The following CCDC148 variants were observed in gnomAD, a reference collection of about 807,000 sequenced individuals.
The protein encoded by CCDC148 is coiled-coil domain containing 148.
CCDC148 carries 89 observed loss-of-function variants against 85.7 expected under a neutral mutation model. The ratio of observed to expected loss-of-function variants is 1.04; its 90% CI spans 0.87 to 1.24. CCDC148 has a LOEUF of 1.24. Among genes scored for constraint, CCDC148 ranks in the 50% most tolerant of loss-of-function variants. The pLI, the probability that CCDC148 is intolerant of heterozygous loss-of-function variation, is 0.00. For missense variants in CCDC148, 692 were observed against 671.7 expected, an observed-to-expected ratio of 1.03 and a Z score of -0.33; for synonymous variants, 230 against 213.9, an observed-to-expected ratio of 1.08 and a Z score of -0.66.
intron 9 of CCDC148, among the ~76,000 whole-genome samples, chr2:158,292,997 C>T (rs1690964992): frequency 6.6e-6 from 1 of 152,108 alleles, no homozygotes; most frequent in African/African-American, 2.4e-5. Flanking sequence ...CATTATGGAT[C>T]AGGATTGGTG....
At chr2:158,353,614 A>T (rs963709022) in intron 2 of CCDC148, among the ~76,000 whole-genome samples, 2 of 152,088 alleles carry the variant, frequency 1.3e-5, no homozygotes, top group Admixed American at 1.3e-4. Flanking sequence ...TTAGACTCCC[A>T]CACATTAATA....
intron 1 of CCDC148, among the ~76,000 whole-genome samples, chr2:158,438,680 G>A (rs1237540042): frequency 2.0e-5 from 3 of 152,112 alleles, no homozygotes; most frequent in Non-Finnish European, 4.4e-5. Flanking sequence ...CCATCAGAGT[G>A]AACAGGCAAC....
At chr2:158,188,663 T>C (rs895737974) in intron 11 of CCDC148, among the ~76,000 whole-genome samples, 1 of 151,934 alleles carries the variant, frequency 6.6e-6, no homozygotes, top group Non-Finnish European at 1.5e-5. Context: ...TAGGAAATAC[T>C]TTTCTATACA....
At chr2:158,239,966 A>G (rs1688278707) in intron 10 of CCDC148, among the ~76,000 whole-genome samples, 1 of 152,188 alleles carries the variant, frequency 6.6e-6, no homozygotes, top group South Asian at 2.1e-4. Flanking sequence ...TAAATAAAAA[A>G]TACTCCCTTA....
chr2:158,238,401 C>A (rs1194856013), intron 10 of CCDC148, among the ~76,000 whole-genome samples: 3 of 151,994 alleles, frequency 2.0e-5, no homozygotes, highest in South Asian at 2.1e-4. Context: ...TATTGGAAAC[C>A]TGTGGAAATT....
intron 1 of CCDC148, among the ~76,000 whole-genome samples, chr2:158,431,648 T>C (rs1314035121): frequency 6.6e-6 from 1 of 152,022 alleles, no homozygotes; most frequent in African/African-American, 2.4e-5. Context: ...TAAGAATTAT[T>C]AAAGAAAGGC....
At chr2:158,282,204 T>C (rs1040767733) in intron 9 of CCDC148, among the ~76,000 whole-genome samples, 14 of 152,068 alleles carry the variant, frequency 9.2e-5, no homozygotes, top group Non-Finnish European at 1.9e-4. Context: ...AGCATTCCCT[T>C]TGAAAACTGG....
At chr2:158,355,887 G>C (rs60964819) in intron 2 of CCDC148, among the ~76,000 whole-genome samples, 2,843 of 116,490 alleles carry the variant, frequency 0.024, 24 homozygotes, top group African/African-American at 0.066. Context: ...CAGAGATATA[G>C]ATCAATGGAA....
chr2:158,214,613 G>T (rs1686751032), intron 11 of CCDC148, among the ~76,000 whole-genome samples: 1 of 152,104 alleles, frequency 6.6e-6, no homozygotes, highest in Non-Finnish European at 1.5e-5. Context: ...GATGACATGA[G>T]TCATCAACTC....
At chr2:158,354,965 C>A (rs1194035925) in intron 2 of CCDC148, among the ~76,000 whole-genome samples, 1 of 151,950 alleles carries the variant, frequency 6.6e-6, no homozygotes, top group African/African-American at 2.4e-5. Flanking sequence ...TAAACAGAGC[C>A]AAAGACAAAA....
intron 9 of CCDC148, among the ~76,000 whole-genome samples, chr2:158,296,034 C>T (rs1439172074): frequency 6.6e-6 from 1 of 152,144 alleles, no homozygotes; most frequent in Non-Finnish European, 1.5e-5. Context: ...TAGTGGATGG[C>T]CTGTCTTTTT....
intron 9 of CCDC148, among the ~76,000 whole-genome samples, chr2:158,286,488 T>C (rs1690631847): frequency 6.6e-6 from 1 of 152,228 alleles, no homozygotes; most frequent in Non-Finnish European, 1.5e-5. Context: ...ATAGGACTTC[T>C]TTTTTAGAAC....
chr2:158,331,675 T>C (rs901358159), intron 7 of CCDC148, among the ~76,000 whole-genome samples: 5 of 152,228 alleles, frequency 3.3e-5, no homozygotes, highest in African/African-American at 1.2e-4. Flanking sequence ...ACTTGCTTTA[T>C]GAATCTGGGT....
chr2:158,348,990 T>C (rs1263071584), intron 2 of CCDC148, among the ~76,000 whole-genome samples: 3 of 152,064 alleles, frequency 2.0e-5, no homozygotes, highest in Admixed American at 6.5e-5. Context: ...ACTCTATTAT[T>C]TGTCTTCAGG....
chr2:158,350,329 C>T (rs1683199152), intron 2 of CCDC148, among the ~76,000 whole-genome samples: 1 of 151,996 alleles, frequency 6.6e-6, no homozygotes, highest in Non-Finnish European at 1.5e-5. Flanking sequence ...CTACATTCAG[C>T]CAAAATGTCT....
At chr2:158,222,361 T>C (rs1487292999) in intron 10 of CCDC148, among the ~76,000 whole-genome samples, 3 of 152,202 alleles carry the variant, frequency 2.0e-5, no homozygotes, top group Non-Finnish European at 4.4e-5. Context: ...GCGTATGTTA[T>C]ACCTGGAGCT....
At chr2:158,427,954 G>A (rs537516237) in intron 1 of CCDC148, among the ~76,000 whole-genome samples, 1 of 152,196 alleles carries the variant, frequency 6.6e-6, no homozygotes, top group Non-Finnish European at 1.5e-5. Context: ...TTGCGGTAGA[G>A]AAGAAGCAGG....
chr2:158,267,540 T>C (rs1472812912), intron 9 of CCDC148, among the ~76,000 whole-genome samples: 3 of 152,210 alleles, frequency 2.0e-5, no homozygotes, highest in Non-Finnish European at 4.4e-5. Flanking sequence ...GTTTTACATC[T>C]ACCCCTAGGT....
rs569076816 is a variant in CCDC148 at position 158,434,559 on chromosome 2, G to T, written c.25+21856C>A. ...AGCTGAAAATATTAAAAATCAGAGT[G>T]CCTCTTCTCCTCCAAAGGAATGCAG... On this transcript the variant is annotated intron_variant, in intron 1 of 13. Transcript: ENST00000283233. 1.1e-4 allele frequency among the ~76,000 whole-genome samples: 17 copies of T among 152,256 alleles called. No individual in the cohort carries two copies. In the South Asian group the frequency reaches 3.1e-3, roughly 28 times the overall value.
Sources: gnomAD v4.1 joint callset for allele counts (sites outside exome capture counted in the v4.1 genomes callset) on GRCh38, gnomAD v4.1.1 for gene constraint, MANE v1.5 for transcripts, NCBI Gene and HGNC (gene_info 2026-07-23, HGNC 2026-07-21) for gene names.